The following CAPN12 variants were observed in gnomAD, a reference collection of about 807,000 sequenced individuals.
CAPN12 encodes calpain 12.
Under a neutral mutation model 95.0 loss-of-function variants are expected in CAPN12, and 107 were observed. That is an observed-to-expected ratio of 1.13 (90% confidence interval 0.96 to 1.32). The LOEUF (loss-of-function observed/expected upper bound fraction) is 1.32. Among genes scored for constraint, CAPN12 ranks in the 40% most tolerant of loss-of-function variants. The pLI, the probability that CAPN12 is intolerant of heterozygous loss-of-function variation, is 0.00. For synonymous variants in CAPN12, 505 were observed against 415.5 expected (o/e 1.22, Z -2.62); for missense variants, 1,136 against 997.8 (o/e 1.14, Z -1.87).
intron 17 of CAPN12, 122 bp downstream of exon 17, chr19:38,734,020 T>A: frequency 1.8e-6 from 2 of 1,113,458 alleles, no homozygotes; most frequent in Non-Finnish European, 1.3e-6. Context: ...GCCAGATCTC[T>A]CCAAGTCAGC....
intron 11 of CAPN12, 104 bp downstream of exon 11, chr19:38,736,446 GCC>G (rs1416377194): frequency 3.2e-5 from 46 of 1,443,926 alleles, no homozygotes; most frequent in Non-Finnish European, 4.2e-5. Flanking sequence ...ACCCGGCTCT[GCC>G]CCCCCACCCC....
At position 38,736,181 on chromosome 19, in the gene CAPN12, C is replaced by T. The variant is rs2145196320; in HGVS notation, c.1512G>A (p.Pro504=). The change falls in exon 12 of 21, where the codon CCG becomes CCA. Residue 504 remains proline (P), a synonymous_variant. Transcript: ENST00000328867. Reference sequence around the variant, plus strand: ...CCTCGTCGCCGGCGTGGGCGGTGCTCGGCACCACCAGGTAGTGGCCTGGAC... The same window carrying T: ...CCTCGTCGCCGGCGTGGGCGGTGCTTGGCACCACCAGGTAGTGGCCTGGAC... ...CLRPGHYLVV[P]STAHAGDEAD... is the part of the protein sequence containing the mutation. 5.3e-6 allele frequency: 8 copies of T among 1,513,258 alleles called. No homozygotes were observed. In the South Asian group the frequency reaches 8.6e-5, roughly 16 times the overall value. 93.7% of individuals were successfully genotyped at this position (1,513,258 alleles called of 1,614,324 possible).
intron 4 of CAPN12, 85 bp downstream of exon 4, chr19:38,741,692 A>G (rs1970553470): frequency 1.3e-6 from 2 of 1,522,590 alleles, no homozygotes; most frequent in Admixed American, 2.0e-5. Context: ...AGGATTGCAG[A>G]GCTTGGGGGA....
In CAPN12 at chr19:38,735,331, C is replaced by T. The variant is rs1161605911; in HGVS notation, c.1686+39G>A. 1.1e-5 allele frequency: 16 copies of T among 1,516,028 alleles called. No homozygotes were observed. The Admixed American group carries it at 1.9e-4, about 18-fold the overall frequency. 93.9% of individuals were successfully genotyped at this position (1,516,028 alleles called of 1,614,324 possible). ...GGAAGGGGGGTCCCCAAGGGGAGGCCGCAGCGGGATACCCCCTCAGTCCAA... is the reference window on the plus strand; with the variant it reads ...GGAAGGGGGGTCCCCAAGGGGAGGCTGCAGCGGGATACCCCCTCAGTCCAA... On this transcript the variant is annotated intron_variant, in intron 14 of 20. Coordinates refer to ENST00000328867, the MANE Select transcript of CAPN12 (RefSeq NM_144691.4).
chr19:38,733,518 TCTC>T (rs1014808336), intron 18 of CAPN12, 182 bp downstream of exon 18: 15 of 581,648 alleles, frequency 2.6e-5, no homozygotes, highest in Admixed American at 6.3e-5. Flanking sequence ...CCCTTGCCCT[TCTC>T]CTTCCTTATT....
intron 14 of CAPN12, 24 bp from the exon 15 acceptor site, chr19:38,734,894 G>A (rs762128709): frequency 1.6e-5 from 26 of 1,611,246 alleles, no homozygotes; most frequent in African/African-American, 5.3e-5. Flanking sequence ...GAGGGCTTGT[G>A]AGGCCATTTA....
intron 13 of CAPN12, 21 bp downstream of exon 13, chr19:38,735,481 C>T (rs1234847930): frequency 6.2e-7 from 1 of 1,610,982 alleles, no homozygotes; most frequent in East Asian, 2.2e-5. Context: ...CCCATGCCGC[C>T]CCTCCAGGAA....
In CAPN12 at chr19:38,734,322, G is replaced by A. The variant is rs367757982; in HGVS notation, c.1812C>T (p.Phe604=). ...CCAGGCACTGCCCCCCATGTACCCC[G>A]AAACACTGCAGCAGCTGCTCACAGG... The part of the protein sequence containing the change: ...LRTCEQLLQC[F]GHGQSLALHH... The change falls in exon 16 of 21, where the codon TTC becomes TTT. Residue 604 remains phenylalanine, a synonymous_variant. Coordinates refer to ENST00000328867, the MANE Select transcript of CAPN12 (RefSeq NM_144691.4). 5.6e-5 allele frequency: 90 copies of A among 1,607,482 alleles called. No homozygotes were observed. The highest frequency in any genetic ancestry group is 1.9e-4 in the African/African-American group (14 of 74,792).
At chr19:38,737,079 CT>C in intron 10 of CAPN12, 76 bp downstream of exon 10, 1 of 1,066,556 alleles carries the variant, frequency 9.4e-7, no homozygotes, top group Non-Finnish European at 1.3e-6. Context: ...CCCTCCATGC[CT>C]CCCCCGCTCC....
chr19:38,738,745 C>A, intron 5 of CAPN12, 97 bp from the exon 6 acceptor site: 1 of 1,086,884 alleles, frequency 9.2e-7, no homozygotes, highest in Non-Finnish European at 1.4e-6. Context: ...AGGAGCCAAC[C>A]AGAGCACTGA....
chr19:38,734,941 G>A, intron 14 of CAPN12, 71 bp from the exon 15 acceptor site: 3 of 1,460,418 alleles, frequency 2.1e-6, no homozygotes, highest in Non-Finnish European at 2.8e-6. Flanking sequence ...CTGTGCTAGG[G>A]ACACGGCAGG....
rs1312601693 is a variant in CAPN12 at position 38,735,379 on chromosome 19, C to T, written c.1677G>A (p.Leu559=). ...ELGLEQLFQE[L]AGEEEELNAS... ...CAATCCCCCTCCTCACCTCTCCAGCCAGCTCCTGAAACAGCTGCTCCAACC... is the reference window on the plus strand; with the variant it reads ...CAATCCCCCTCCTCACCTCTCCAGCTAGCTCCTGAAACAGCTGCTCCAACC... Residue 559 remains leucine (L), a synonymous_variant, in exon 14 of 21, where the codon CTG becomes CTA. Coordinates refer to ENST00000328867, the MANE Select transcript of CAPN12 (RefSeq NM_144691.4). 1.9e-6 allele frequency: 3 copies of T among 1,600,848 alleles called. No individual in the cohort carries two copies. The highest frequency in any genetic ancestry group is 8.5e-7 in the Non-Finnish European group (1 of 1,172,630).
chr19:38,735,996 G>GTCT (rs2145192633), intron 12 of CAPN12, 114 bp downstream of exon 12: 34 of 412,620 alleles, frequency 8.2e-5, no homozygotes, highest in African/African-American at 5.4e-4. Flanking sequence ...GGTTCTGGGG[G>GTCT]CGGGGCAGGT....
rs1969567464 is a variant in CAPN12 at position 38,731,156 on chromosome 19, C to T, written c.2025G>A (p.Val675=). 2 of 1,613,120 alleles carry T rather than the reference C, an allele frequency of 1.2e-6. No homozygotes were observed. The highest frequency in any genetic ancestry group is 1.3e-5 in the African/African-American group (1 of 74,938). ...TSRYRDSRLR[V]DFERFVSCVA... Reference sequence around the variant, plus strand: ...CACAGGACACGAACCGCTCGAAGTCCACACGCAGACGGCTATCCCGGTAGC... The same window carrying T: ...CACAGGACACGAACCGCTCGAAGTCTACACGCAGACGGCTATCCCGGTAGC... The change falls in exon 19 of 21, where the codon GTG becomes GTA. Residue 675 remains valine (V), a synonymous_variant. Coordinates refer to ENST00000328867, the MANE Select transcript of CAPN12 (RefSeq NM_144691.4).
At chr19:38,740,736 G>T (rs1349176070) in intron 4 of CAPN12, among the ~76,000 whole-genome samples, 1 of 151,798 alleles carries the variant, frequency 6.6e-6, no homozygotes, top group African/African-American at 2.4e-5. Context: ...GGAGGCGAAG[G>T]TTGCAGTGAG....
chr19:38,731,181 C>CGGCTGGTGAGG lies in CAPN12; in HGVS notation c.1989_1999dup (p.Arg667ProfsTer45). On this transcript the variant is annotated frameshift_variant, in exon 19 of 21. Coordinates refer to ENST00000328867, the MANE Select transcript of CAPN12 (RefSeq NM_144691.4). LOFTEE classifies it high-confidence loss of function. Reference sequence around the variant, plus strand: ...CACACGCAGACGGCTATCCCGGTAGCGGCTGGTGAGGGTCTGGGTCAGCTG... The same window carrying CGGCTGGTGAGG: ...CACACGCAGACGGCTATCCCGGTAGCGGCTGGTGAGGGGCTGGTGAGGGTCTGGGTCAGCTG... The CGGCTGGTGAGG allele has an allele frequency of 6.2e-7, 1 of 1,613,006 alleles. No individual in the cohort carries two copies. Among genetic ancestry groups the CGGCTGGTGAGG allele is most frequent in the Non-Finnish European group, 8.5e-7 (1 of 1,179,990 alleles).
chr19:38,742,002 T>C (rs1970574857), intron 3 of CAPN12, 92 bp from the exon 4 acceptor site: 2 of 1,531,144 alleles, frequency 1.3e-6, no homozygotes. Flanking sequence ...GAGTCAGGAA[T>C]TACAGCCCCA....
At chr19:38,735,882 CGGGGCGGGGCGGGGCGGGGGTTCTG>C (rs1970050377) in intron 12 of CAPN12, among the ~76,000 whole-genome samples, 1 of 2,810 alleles carries the variant, frequency 3.6e-4, no homozygotes, top group Non-Finnish European at 6.6e-4. Context: ...CGGGGCGGGG[CGGGGCGGGGCGGGGCGGGGGTTCTG>C]GGGGCGGGGC....
chr19:38,733,535 C>T (rs1969790098), intron 18 of CAPN12, 168 bp downstream of exon 18: 1 of 599,182 alleles, frequency 1.7e-6, no homozygotes. Flanking sequence ...CCTTATTTGG[C>T]CTCTTTCAGG....
Sources: allele counts gnomAD v4.1 joint callset (sites outside exome capture counted in the v4.1 genomes callset), GRCh38; gene constraint gnomAD v4.1.1; transcripts MANE v1.5; gene names NCBI Gene and HGNC (gene_info 2026-07-23, HGNC 2026-07-21).